Variants in PLPP1 observed in about 807,000 individuals in gnomAD.
PLPP1 encodes lipid phosphate phosphohydrolase 1a.
In PLPP1, 24 loss-of-function variants were observed where a neutral mutation model predicts 31.2. The observed-to-expected ratio is 0.77, with a 90% CI of 0.56 to 1.08. PLPP1 has a LOEUF of 1.08. Among genes scored for constraint, PLPP1 ranks in the 50% least tolerant of loss-of-function variants. The pLI is 0.00. For synonymous variants in PLPP1, 146 were observed against 126.3 expected, an observed-to-expected ratio of 1.16 and a Z score of -1.05; for missense variants, 319 against 342.7, an observed-to-expected ratio of 0.93 and a Z score of 0.55.
chr5:55,473,075 A>G (rs1752456677), intron 2 of PLPP1, among the ~76,000 whole-genome samples: 1 of 152,232 alleles, frequency 6.6e-6, no homozygotes, highest in Non-Finnish European at 1.5e-5. Context: ...GCTATTTGCA[A>G]CTAAAAGTCC....
chr5:55,511,658 T>G (rs912937475), intron 1 of PLPP1, among the ~76,000 whole-genome samples: 17 of 95,104 alleles, frequency 1.8e-4, no homozygotes, highest in African/African-American at 4.7e-4. Flanking sequence ...GAGTTTTTTT[T>G]TTTTTTTTTT....
At chr5:55,443,192 A>AAAATATATATAT in intron 3 of PLPP1, among the ~76,000 whole-genome samples, 319 of 25,314 alleles carry the variant, frequency 0.013, 7 homozygotes, top group Non-Finnish European at 0.017. Context: ...AAAAAAAAAA[A>AAAATATATATAT]ATATATATAT....
rs868587925 is a variant in PLPP1 at position 55,444,741 on chromosome 5, T to G, written c.492-2833A>C. ...ATAAATCACTATGAATGGGATTCTA[T>G]TTTGTGTGTGTGTGTGTGTGTGTGT... On this transcript the variant is annotated intron_variant, in intron 3 of 5. Transcript: ENST00000307259. Among the ~76,000 whole-genome samples the G allele has an allele frequency of 3.2e-3, 22 of 6,976 alleles. 1 individual carries two copies. The highest frequency in any genetic ancestry group is 0.01 in the South Asian group (1 of 96). 4.6% of individuals were successfully genotyped at this position (6,976 alleles called of 152,430 possible).
chr5:55,534,866 G>A lies in PLPP1; in HGVS notation c.-237C>T. 1 of 500,856 alleles carries A rather than the reference G, an allele frequency of 2.0e-6. No homozygotes were observed. Among genetic ancestry groups the A allele is most frequent in the Non-Finnish European group, 3.5e-6 (1 of 285,528 alleles). The allele number at this position is 500,856 out of a possible 1,614,324, so 31.0% of individuals were successfully genotyped here. A position where few individuals can be genotyped will look rare whatever the true frequency, so the allele number is the denominator to read the frequency against. On this transcript the variant is annotated 5_prime_UTR_variant, in exon 1 of 6. Coordinates refer to ENST00000307259, the MANE Select transcript of PLPP1 (RefSeq NM_003711.4). ...GCGAACACTCGGTTAGTGCCGAGGC[G>A]CTCGTGTGCCAGCCGCGGCAGCTCT...
At chr5:55,433,087 T>C (rs1239132844) in intron 4 of PLPP1, among the ~76,000 whole-genome samples, 1 of 148,060 alleles carries the variant, frequency 6.8e-6, no homozygotes, top group Non-Finnish European at 1.5e-5. Flanking sequence ...GGCGGGCAGA[T>C]CGCCTGAGGT....
At chr5:55,440,346 C>A (rs951661948) in intron 4 of PLPP1, among the ~76,000 whole-genome samples, 1 of 152,188 alleles carries the variant, frequency 6.6e-6, no homozygotes. Context: ...AGGATAGTAA[C>A]GGCTCTAGCT....
chr5:55,526,721 A>C (rs1335210302), intron 1 of PLPP1, among the ~76,000 whole-genome samples: 1 of 152,126 alleles, frequency 6.6e-6, no homozygotes, highest in Non-Finnish European at 1.5e-5. Flanking sequence ...TCACGAGGTC[A>C]GGAGATCGAG....
At chr5:55,512,448 G>A (rs2111912901) in intron 1 of PLPP1, among the ~76,000 whole-genome samples, 1 of 146,320 alleles carries the variant, frequency 6.8e-6, no homozygotes, top group African/African-American at 2.6e-5. Flanking sequence ...TCCAGCCTGG[G>A]CAACAGAGCA....
At chr5:55,430,365 T>C (rs1454338025) in intron 4 of PLPP1, among the ~76,000 whole-genome samples, 1 of 152,242 alleles carries the variant, frequency 6.6e-6, no homozygotes, top group Non-Finnish European at 1.5e-5. Flanking sequence ...AGCCTGCTGC[T>C]GCCACTCCTG....
chr5:55,530,953 G>GGTGACGGTGAC (rs1740647416), intron 1 of PLPP1, among the ~76,000 whole-genome samples: 4 of 152,350 alleles, frequency 2.6e-5, no homozygotes, highest in Admixed American at 2.6e-4. Flanking sequence ...CAGCGGCCGA[G>GGTGACGGTGAC]GTGACGGTGA....
chr5:55,523,254 G>A (rs888836715), intron 1 of PLPP1, among the ~76,000 whole-genome samples: 4 of 151,632 alleles, frequency 2.6e-5, no homozygotes, highest in South Asian at 2.1e-4. Flanking sequence ...TACTGTTTTC[G>A]TTATTTTTAA....
intron 4 of PLPP1, among the ~76,000 whole-genome samples, chr5:55,431,891 A>G (rs1394100468): frequency 6.6e-6 from 1 of 152,308 alleles, no homozygotes; most frequent in East Asian, 1.9e-4. Context: ...AAGACATTAC[A>G]ACTGATAACA....
intron 3 of PLPP1, among the ~76,000 whole-genome samples, chr5:55,455,334 G>A (rs1751982464): frequency 6.6e-6 from 1 of 152,226 alleles, no homozygotes; most frequent in Non-Finnish European, 1.5e-5. Flanking sequence ...GCTCACACCT[G>A]TAATCCCGGC....
chr5:55,425,746 T>A, intron 5 of PLPP1, 117 bp downstream of exon 5: 1 of 946,486 alleles, frequency 1.1e-6, no homozygotes, highest in South Asian at 2.3e-5. Flanking sequence ...AACATTGAGA[T>A]TCTTGCCCAC....
At chr5:55,532,918 T>G (rs1199868461) in intron 1 of PLPP1, among the ~76,000 whole-genome samples, 1 of 146,702 alleles carries the variant, frequency 6.8e-6, no homozygotes, top group Non-Finnish European at 1.5e-5. Flanking sequence ...ATCGCGCCAC[T>G]GCACTCCAGC....
chr5:55,486,924 AG>A (rs1752787240), intron 1 of PLPP1, among the ~76,000 whole-genome samples: 1 of 152,126 alleles, frequency 6.6e-6, no homozygotes, highest in Non-Finnish European at 1.5e-5. Context: ...AAAAAAAAAA[AG>A]TGATTAAGCC....
intron 3 of PLPP1, among the ~76,000 whole-genome samples, chr5:55,451,076 T>C (rs1287118537): frequency 2.6e-5 from 4 of 152,338 alleles, no homozygotes; most frequent in Middle Eastern, 3.4e-3. Flanking sequence ...GCTCCACTTA[T>C]GACCCTCCTG....
At chr5:55,458,743 T>C (rs995540339) in intron 3 of PLPP1, among the ~76,000 whole-genome samples, 3 of 150,954 alleles carry the variant, frequency 2.0e-5, no homozygotes, top group Non-Finnish European at 4.4e-5. Flanking sequence ...CAAAAATTAA[T>C]TGGGCGTGGT....
At chr5:55,483,669 C>CAAAA (rs35550771) in intron 1 of PLPP1, among the ~76,000 whole-genome samples, 2 of 117,260 alleles carry the variant, frequency 1.7e-5, no homozygotes, top group Admixed American at 9.3e-5. Flanking sequence ...GAGACTGTCT[C>CAAAA]AAAAAAAAAA....
Sources: allele counts gnomAD v4.1 joint callset (sites outside exome capture counted in the v4.1 genomes callset), GRCh38; gene constraint gnomAD v4.1.1; transcripts MANE v1.5; gene names NCBI Gene and HGNC (gene_info 2026-07-23, HGNC 2026-07-21).